The following MINDY3 variants were observed in gnomAD, a reference collection of about 807,000 sequenced individuals.
MINDY3 encodes MINDY lysine 48 deubiquitinase 3, also known as ubiquitin carboxyl-terminal hydrolase MINDY-3.
A neutral mutation model predicts 69.2 loss-of-function variants in MINDY3; 38 were observed. The ratio of observed to expected loss-of-function variants is 0.55; its 90% CI spans 0.42 to 0.72. MINDY3 has a LOEUF of 0.72. Ranked by LOEUF, MINDY3 falls within the 30% of genes least tolerant of loss-of-function variation. The pLI is 0.00. For synonymous variants in MINDY3, 192 were observed against 180.1 expected, an observed-to-expected ratio of 1.07 and a Z score of -0.53; for missense variants, 522 against 519.0, an observed-to-expected ratio of 1.01 and a Z score of -0.06.
intron 12 of MINDY3, chr10:15,788,699 A>AAACAT (rs1376105970): frequency 6.6e-6 from 1 of 152,370 alleles, no homozygotes. Context: ...ACAATGCATA[A>AAACAT]AACATAACAG....
chr10:15,783,469 C>T (rs1442950624), intron 13 of MINDY3, among the ~76,000 whole-genome samples: 1 of 151,958 alleles, frequency 6.6e-6, no homozygotes, highest in Non-Finnish European at 1.5e-5. Context: ...TTTTTTTACT[C>T]TTCTCTAAAA....
chr10:15,784,066 A>G (rs1035568518), intron 13 of MINDY3, among the ~76,000 whole-genome samples: 5 of 152,068 alleles, frequency 3.3e-5, no homozygotes, highest in Non-Finnish European at 7.4e-5. Flanking sequence ...CAATTTCCTC[A>G]TTGTCAAAAA....
chr10:15,820,366 G>A (rs1839673279), intron 9 of MINDY3, among the ~76,000 whole-genome samples: 1 of 152,098 alleles, frequency 6.6e-6, no homozygotes. Context: ...GGGTCTTAAG[G>A]GATACACAGG....
chr10:15,783,217 C>T (rs566857936), intron 13 of MINDY3, among the ~76,000 whole-genome samples: 53 of 152,268 alleles, frequency 3.5e-4, no homozygotes, highest in Admixed American at 1.4e-3. Context: ...AGCACTTTCC[C>T]GGTGCTTGCT....
chr10:15,826,852 A>G (rs1326391463), intron 8 of MINDY3, among the ~76,000 whole-genome samples: 3 of 152,208 alleles, frequency 2.0e-5, no homozygotes. Flanking sequence ...CAAAAGGCAG[A>G]TCCCAAACTC....
chr10:15,778,949 C>T lies in MINDY3; in HGVS notation c.*43G>A. The T allele has an allele frequency of 6.4e-7, 1 of 1,571,370 alleles. No individual in the cohort carries two copies. The highest frequency in any genetic ancestry group is 8.7e-7 in the Non-Finnish European group (1 of 1,151,134). ...AATTGCCAGTCTTGACTCCTTCTTT[C>T]AACATCTGTTATTAAGATCTTCCTT... On this transcript the variant is annotated 3_prime_UTR_variant, in exon 15 of 15. Coordinates refer to ENST00000277632, the MANE Select transcript of MINDY3 (RefSeq NM_024948.4).
At chr10:15,794,442 G>A (rs1837655529) in intron 11 of MINDY3, among the ~76,000 whole-genome samples, 1 of 152,060 alleles carries the variant, frequency 6.6e-6, no homozygotes, top group South Asian at 2.1e-4. Context: ...TAGATGAAAA[G>A]TGGATTTTAT....
chr10:15,805,274 T>C (rs1476372181), intron 10 of MINDY3, among the ~76,000 whole-genome samples: 1 of 152,134 alleles, frequency 6.6e-6, no homozygotes, highest in East Asian at 1.9e-4. Context: ...AGAATAAACT[T>C]TAAAGACCTT....
chr10:15,816,846 A>G lies in MINDY3; in HGVS notation c.871T>C (p.Phe291Leu). ...TGCTATAAGCATACCTTGGCAAAAA[A>G]TACGGTGAGGTGAGTCTCACTGCCA... ...IVGSETHLTVFFAKDMALVAP... is the reference protein window; with the variant it reads ...IVGSETHLTVLFAKDMALVAP... Residue 291 changes from phenylalanine to leucine, a missense_variant, in exon 10 of 15, where the codon TTT becomes CTT. Coordinates refer to ENST00000277632, the MANE Select transcript of MINDY3 (RefSeq NM_024948.4). 6.2e-7 allele frequency: 1 copy of G among 1,613,040 alleles called. No individual in the cohort carries two copies. Among genetic ancestry groups the G allele is most frequent in the South Asian group, 1.1e-5 (1 of 90,912 alleles).
chr10:15,788,992 G>A (rs1257887732), intron 12 of MINDY3: 9 of 313,082 alleles, frequency 2.9e-5, no homozygotes, highest in Non-Finnish European at 4.8e-5. Flanking sequence ...ACTTTTTAAA[G>A]TTTATAGAAA....
chr10:15,802,957 G>C (rs1269587466), intron 10 of MINDY3, among the ~76,000 whole-genome samples: 2 of 152,030 alleles, frequency 1.3e-5, no homozygotes, highest in African/African-American at 4.8e-5. Context: ...AGAATAAAAA[G>C]AGAAAAAACC....
chr10:15,853,735 CTTT>C (rs367679592), intron 1 of MINDY3, among the ~76,000 whole-genome samples: 1 of 146,932 alleles, frequency 6.8e-6, no homozygotes, highest in African/African-American at 2.5e-5. Context: ...GAACCAGCTA[CTTT>C]TTTTTTTTTA....
At chr10:15,860,070 T>G in intron 1 of MINDY3, 136 bp downstream of exon 1, 1 of 676,936 alleles carries the variant, frequency 1.5e-6, no homozygotes. Context: ...GTCTAGAAAG[T>G]CCAGCTTCAG....
intron 10 of MINDY3, among the ~76,000 whole-genome samples, chr10:15,809,948 T>C (rs1223821165): frequency 6.6e-6 from 1 of 152,180 alleles, no homozygotes; most frequent in Non-Finnish European, 1.5e-5. Flanking sequence ...TTATATTTCT[T>C]CATGAAAGAA....
chr10:15,854,887 T>C (rs1398028330), intron 1 of MINDY3, among the ~76,000 whole-genome samples: 1 of 152,076 alleles, frequency 6.6e-6, no homozygotes, highest in East Asian at 1.9e-4. Flanking sequence ...CAACCAAATT[T>C]AAGGTCCAAC....
Position 15,824,889 on chromosome 10 carries a change from T to C in MINDY3, c.731-3163A>G, listed in dbSNP as rs1344075931. Among the ~76,000 whole-genome samples, 3 of 152,326 alleles carry C rather than the reference T, an allele frequency of 2.0e-5. No homozygotes were observed. The East Asian group carries it at 5.8e-4, about 29-fold the overall frequency. Reference sequence around the variant, plus strand: ...AGACATCTAGTCTGGATGGTAATTATTTTAAAAATGTATTATGCCTGTTTT... The same window carrying C: ...AGACATCTAGTCTGGATGGTAATTACTTTAAAAATGTATTATGCCTGTTTT... On this transcript the variant is annotated intron_variant, in intron 8 of 14. Coordinates refer to ENST00000277632, the MANE Select transcript of MINDY3 (RefSeq NM_024948.4).
intron 1 of MINDY3, among the ~76,000 whole-genome samples, chr10:15,850,377 G>A (rs1231483625): frequency 6.6e-6 from 1 of 152,202 alleles, no homozygotes; most frequent in African/African-American, 2.4e-5. Context: ...GACTGTCTGG[G>A]AGCTGGGCAG....
intron 13 of MINDY3, 140 bp downstream of exon 13, chr10:15,786,421 G>T: frequency 3.2e-6 from 2 of 621,616 alleles, no homozygotes; most frequent in East Asian, 5.5e-5. Context: ...CCTCTGTCTG[G>T]GAAGGTTTCC....
At chr10:15,858,044 A>C (rs1353294031) in intron 1 of MINDY3, 3 of 485,038 alleles carry the variant, frequency 6.2e-6, no homozygotes, top group Non-Finnish European at 8.0e-6. Flanking sequence ...CCACAATCCC[A>C]AAGGACTGCC....
Sources: allele counts gnomAD v4.1 joint callset (sites outside exome capture counted in the v4.1 genomes callset), GRCh38; gene constraint gnomAD v4.1.1; transcripts MANE v1.5; gene names NCBI Gene and HGNC (gene_info 2026-07-23, HGNC 2026-07-21).